The following BCKDHB variants were observed in gnomAD, a reference collection of about 807,000 sequenced individuals.
BCKDHB encodes the protein 2-oxoisovalerate dehydrogenase subunit beta, mitochondrial.
In BCKDHB, 41 loss-of-function variants were observed where a neutral mutation model predicts 48.5. The ratio of observed to expected loss-of-function variants is 0.85; its 90% CI spans 0.66 to 1.10. The LOEUF is 1.10. BCKDHB is among the 50% of genes least tolerant of loss of function. The pLI, the probability that BCKDHB is intolerant of heterozygous loss-of-function variation, is 0.00. For synonymous variants in BCKDHB, 201 were observed against 174.8 expected (o/e 1.15, Z -1.18); for missense variants, 496 against 494.2 (o/e 1.00, Z -0.03).
At chr6:80,397,451 A>G in the BCKDHB span, among the ~76,000 whole-genome samples, 2 of 152,206 alleles carry the variant, frequency 1.3e-5, no homozygotes, top group Non-Finnish European at 2.9e-5. Flanking sequence ...TTTAACAGAG[A>G]TATCAAGAGA....
chr6:80,270,063 C>T (rs772395536), intron 8 of BCKDHB, among the ~76,000 whole-genome samples: 1 of 152,064 alleles, frequency 6.6e-6, no homozygotes, highest in Non-Finnish European at 1.5e-5. Context: ...CTCATTTTCA[C>T]TATACTAACA....
At chr6:80,193,616 A>T (rs931025869) in intron 6 of BCKDHB, among the ~76,000 whole-genome samples, 1 of 151,436 alleles carries the variant, frequency 6.6e-6, no homozygotes, top group Admixed American at 6.6e-5. Context: ...GCTACTCAGG[A>T]GGCTGAGACA....
chr6:80,271,150 T>C (rs879802707), intron 8 of BCKDHB, among the ~76,000 whole-genome samples: 2 of 152,144 alleles, frequency 1.3e-5, no homozygotes, highest in Non-Finnish European at 2.9e-5. Context: ...AAAGATAAGT[T>C]GCTTGGTGTG....
chr6:80,342,426 C>T (rs1009810055), intron 9 of BCKDHB, among the ~76,000 whole-genome samples: 8 of 151,166 alleles, frequency 5.3e-5, no homozygotes, highest in African/African-American at 1.9e-4. Flanking sequence ...AGCCTTTAAA[C>T]GTTTTATTTT....
chr6:80,316,030 G>A (rs924359544), intron 9 of BCKDHB, among the ~76,000 whole-genome samples: 4 of 152,068 alleles, frequency 2.6e-5, no homozygotes, highest in African/African-American at 9.7e-5. Context: ...AATATCTTTC[G>A]GGGATCTTCC....
chr6:80,415,923 A>G, the BCKDHB span, among the ~76,000 whole-genome samples: 2 of 151,702 alleles, frequency 1.3e-5, no homozygotes, highest in East Asian at 3.9e-4. Flanking sequence ...GGTGGGTAGT[A>G]TAATTGTTAT....
At chr6:80,228,309 A>G (rs1347229786) in intron 8 of BCKDHB, among the ~76,000 whole-genome samples, 3 of 152,234 alleles carry the variant, frequency 2.0e-5, no homozygotes, top group Non-Finnish European at 2.9e-5. Flanking sequence ...CTAAAAGTCT[A>G]TTTGAACTGT....
chr6:80,329,258 T>A (rs1769202525), intron 9 of BCKDHB, among the ~76,000 whole-genome samples: 2 of 152,198 alleles, frequency 1.3e-5, no homozygotes, highest in African/African-American at 4.8e-5. Context: ...AAAACTTTTT[T>A]ACTGAATAAA....
chr6:80,444,161 A>G, the BCKDHB span, among the ~76,000 whole-genome samples: 3 of 152,096 alleles, frequency 2.0e-5, no homozygotes, highest in African/African-American at 7.2e-5. Flanking sequence ...AAATGATTTC[A>G]GGAAGGTTAA....
chr6:80,458,871 C>T, the BCKDHB span, among the ~76,000 whole-genome samples: 1 of 152,022 alleles, frequency 6.6e-6, no homozygotes, highest in Non-Finnish European at 1.5e-5. Flanking sequence ...CAAAACTAAG[C>T]TAAATATCAG....
At chr6:80,375,563 A>AT in the BCKDHB span, among the ~76,000 whole-genome samples, 1,690 of 141,016 alleles carry the variant, frequency 0.012, 16 homozygotes, top group Non-Finnish European at 0.019. Context: ...ATCCTGTATC[A>AT]TTTTTTTTTT....
chr6:80,360,316 A>G, the BCKDHB span, among the ~76,000 whole-genome samples: 6 of 152,222 alleles, frequency 3.9e-5, no homozygotes, highest in Non-Finnish European at 8.8e-5. Flanking sequence ...CTATGCCTCT[A>G]TGACAGACTT....
chr6:80,213,652 G>C (rs750709756), intron 8 of BCKDHB, among the ~76,000 whole-genome samples: 9 of 150,114 alleles, frequency 6.0e-5, no homozygotes, highest in Non-Finnish European at 1.3e-4. Flanking sequence ...GAAGTTCTTG[G>C]GAAGTGTTTT....
chr6:80,204,242 T>C (rs538542902), intron 8 of BCKDHB, among the ~76,000 whole-genome samples: 2 of 152,070 alleles, frequency 1.3e-5, no homozygotes, highest in Non-Finnish European at 2.9e-5. Flanking sequence ...GTGAAGAGTG[T>C]TTTATAATTT....
intron 9 of BCKDHB, among the ~76,000 whole-genome samples, chr6:80,336,874 G>A (rs908995378): frequency 6.6e-6 from 1 of 151,980 alleles, no homozygotes; most frequent in Non-Finnish European, 1.5e-5. Context: ...CTATTAGTTT[G>A]GGGGTAGGTT....
the BCKDHB span, among the ~76,000 whole-genome samples, chr6:80,446,479 C>T: frequency 6.6e-6 from 1 of 152,182 alleles, no homozygotes; most frequent in African/African-American, 2.4e-5. Context: ...AGGAGAACTG[C>T]TCAGTCCAAT....
intron 5 of BCKDHB, chr6:80,169,700 A>AC: frequency 1.1e-6 from 1 of 911,088 alleles, no homozygotes; most frequent in East Asian, 3.0e-5. Flanking sequence ...CATTGTAGAA[A>AC]CCCATAGATG....
intron 6 of BCKDHB, among the ~76,000 whole-genome samples, chr6:80,175,574 G>A (rs1416855079): frequency 2.0e-5 from 3 of 152,166 alleles, no homozygotes; most frequent in African/African-American, 7.2e-5. Context: ...AAAATTTGAA[G>A]AAAATGTTAC....
intron 8 of BCKDHB, among the ~76,000 whole-genome samples, chr6:80,269,786 T>C (rs1460860687): frequency 2.0e-5 from 3 of 152,140 alleles, no homozygotes; most frequent in Non-Finnish European, 2.9e-5. Context: ...TTTAAATGAT[T>C]ATTAGCATTG....
Sources: allele counts gnomAD v4.1 joint callset (sites outside exome capture counted in the v4.1 genomes callset), GRCh38; gene constraint gnomAD v4.1.1; transcripts MANE v1.5; gene names NCBI Gene and HGNC (gene_info 2026-07-23, HGNC 2026-07-21).